Variants in AGBL4 observed in about 807,000 individuals in gnomAD.
AGBL4 encodes cytosolic carboxypeptidase 6.
A neutral mutation model predicts 66.4 loss-of-function variants in AGBL4; 58 were observed. The observed-to-expected ratio is 0.87, with a 90% CI of 0.71 to 1.09. The LOEUF is 1.09. AGBL4 is among the 50% of genes least tolerant of loss of function. The pLI is 0.00. For missense variants in AGBL4, 579 were observed against 631.0 expected (o/e 0.92, Z 0.88); for synonymous variants, 234 against 222.9 (o/e 1.05, Z -0.44).
At chr1:48,766,049 C>T (rs900744112) in intron 6 of AGBL4, among the ~76,000 whole-genome samples, 18 of 152,110 alleles carry the variant, frequency 1.2e-4, no homozygotes, top group Admixed American at 1.2e-3. Context: ...CTTGCACACA[C>T]TTTAAAATGG....
intron 3 of AGBL4, among the ~76,000 whole-genome samples, chr1:49,511,022 C>T (rs1356441485): frequency 1.3e-5 from 2 of 151,842 alleles, no homozygotes; most frequent in Non-Finnish European, 2.9e-5. Context: ...TAGTGTGATG[C>T]CTCCAGCTTT....
intron 3 of AGBL4, among the ~76,000 whole-genome samples, chr1:49,545,680 C>G (rs918215526): frequency 6.6e-6 from 1 of 152,114 alleles, no homozygotes; most frequent in Non-Finnish European, 1.5e-5. Flanking sequence ...TTAAATGAAA[C>G]ATATGTAAAA....
intron 5 of AGBL4, among the ~76,000 whole-genome samples, chr1:48,903,718 G>T (rs1006190974): frequency 1.3e-5 from 2 of 152,108 alleles, no homozygotes; most frequent in Non-Finnish European, 2.9e-5. Flanking sequence ...TAGGCATTGG[G>T]GAGATAAAGA....
At chr1:49,019,161 G>A (rs184359458) in intron 5 of AGBL4, among the ~76,000 whole-genome samples, 1 of 152,232 alleles carries the variant, frequency 6.6e-6, no homozygotes, top group African/African-American at 2.4e-5. Flanking sequence ...TGTCTGTAGA[G>A]CCTGAATAAC....
At chr1:48,715,231 C>T (rs1176806712) in intron 6 of AGBL4, among the ~76,000 whole-genome samples, 1 of 152,138 alleles carries the variant, frequency 6.6e-6, no homozygotes, top group Non-Finnish European at 1.5e-5. Flanking sequence ...CATACCCCTC[C>T]TCGGGCCCAG....
chr1:49,334,103 G>A (rs891631905), intron 3 of AGBL4, among the ~76,000 whole-genome samples: 1 of 152,190 alleles, frequency 6.6e-6, no homozygotes, highest in Non-Finnish European at 1.5e-5. Flanking sequence ...GAAGTCATGT[G>A]CAAGCTGTTA....
chr1:48,553,591 G>T (rs1644280031), intron 11 of AGBL4, among the ~76,000 whole-genome samples: 1 of 152,078 alleles, frequency 6.6e-6, no homozygotes, highest in Non-Finnish European at 1.5e-5. Context: ...GATGTTCTGT[G>T]AGCCTCTATA....
At chr1:49,075,304 A>G (rs538523757) in intron 4 of AGBL4, among the ~76,000 whole-genome samples, 1 of 152,332 alleles carries the variant, frequency 6.6e-6, no homozygotes, top group East Asian at 1.9e-4. Context: ...GTAGAAATCA[A>G]TGCATGCCAT....
chr1:49,936,689 T>C (rs1472008968), intron 1 of AGBL4, among the ~76,000 whole-genome samples: 1 of 152,202 alleles, frequency 6.6e-6, no homozygotes, highest in Non-Finnish European at 1.5e-5. Context: ...TATTCAACAT[T>C]CTTAAGGAAA....
intron 4 of AGBL4, among the ~76,000 whole-genome samples, chr1:49,059,566 G>A (rs1480045473): frequency 6.6e-6 from 1 of 152,224 alleles, no homozygotes; most frequent in African/African-American, 2.4e-5. Flanking sequence ...TGTGAGAAGA[G>A]GGCCACCATC....
intron 3 of AGBL4, among the ~76,000 whole-genome samples, chr1:49,264,073 G>A (rs1347183656): frequency 6.6e-6 from 1 of 151,852 alleles, no homozygotes; most frequent in African/African-American, 2.4e-5. Context: ...TATAATCCAA[G>A]TATAATAAAA....
chr1:48,927,987 T>C (rs1654733343), intron 5 of AGBL4, among the ~76,000 whole-genome samples: 1 of 152,232 alleles, frequency 6.6e-6, no homozygotes, highest in South Asian at 2.1e-4. Flanking sequence ...ATCATGATAA[T>C]ATCTAAGTGT....
chr1:49,236,945 A>G (rs1014956882), intron 4 of AGBL4, among the ~76,000 whole-genome samples: 2 of 152,078 alleles, frequency 1.3e-5, no homozygotes, highest in Non-Finnish European at 2.9e-5. Context: ...TTATCCTGAT[A>G]GGGAATCATG....
chr1:49,678,148 G>C (rs1282552070), intron 3 of AGBL4, among the ~76,000 whole-genome samples: 24 of 152,074 alleles, frequency 1.6e-4, no homozygotes, highest in Admixed American at 1.6e-3. Flanking sequence ...AATAGTTATA[G>C]AGCTATTCAA....
rs939955179 is a variant in AGBL4, at chr1:48,689,203, CAAAA to C, written c.635-25966_635-25963del. Among the ~76,000 whole-genome samples the C allele has an allele frequency of 2.2e-4, 12 of 53,334 alleles. No homozygotes were observed. The South Asian group carries it at 6.1e-3, about 27-fold the overall frequency. 35.0% of individuals were successfully genotyped at this position (53,334 alleles called of 152,430 possible). Reference sequence around the variant, plus strand: ...TGGGTGACAGAGCGAGACCCGGTCTCAAAAAAAAAAAAAAAAAAAAGAAAAGAAA... The same window carrying C: ...TGGGTGACAGAGCGAGACCCGGTCTCAAAAAAAAAAAAAAAAGAAAAGAAA... On this transcript the variant is annotated intron_variant, in intron 6 of 13. Coordinates refer to ENST00000371839, the MANE Select transcript of AGBL4 (RefSeq NM_032785.4).
intron 5 of AGBL4, among the ~76,000 whole-genome samples, chr1:49,004,842 G>A (rs768953961): frequency 2.9e-4 from 44 of 152,182 alleles, no homozygotes; most frequent in Non-Finnish European, 2.9e-4. Flanking sequence ...CCCACAATAT[G>A]TATATGAAAT....
chr1:49,276,775 G>C (rs1299612513), intron 3 of AGBL4, among the ~76,000 whole-genome samples: 1 of 152,174 alleles, frequency 6.6e-6, no homozygotes, highest in Non-Finnish European at 1.5e-5. Flanking sequence ...CATGCACTGA[G>C]CCCCCATTCT....
chr1:49,153,961 T>G (rs1013745875), intron 4 of AGBL4, among the ~76,000 whole-genome samples: 8 of 152,036 alleles, frequency 5.3e-5, no homozygotes, highest in African/African-American at 1.9e-4. Context: ...GAGATTTATT[T>G]TGAGTACTAG....
chr1:48,903,740 T>C (rs965161476), intron 5 of AGBL4, among the ~76,000 whole-genome samples: 1 of 152,184 alleles, frequency 6.6e-6, no homozygotes, highest in African/African-American at 2.4e-5. Context: ...AGGTGAGATA[T>C]AGTCACTGGC....
Sources: gnomAD v4.1 joint callset for allele counts (sites outside exome capture counted in the v4.1 genomes callset) on GRCh38, gnomAD v4.1.1 for gene constraint, MANE v1.5 for transcripts, NCBI Gene and HGNC (gene_info 2026-07-23, HGNC 2026-07-21) for gene names.